The following BAZ2B variants were observed in gnomAD, a reference collection of about 807,000 sequenced individuals.
BAZ2B encodes the protein bromodomain adjacent to zinc finger domain protein 2B.
In BAZ2B, 91 loss-of-function variants were observed where a neutral mutation model predicts 246.0. The observed-to-expected ratio is 0.37, with a 90% confidence interval of 0.31 to 0.44. The LOEUF (loss-of-function observed/expected upper bound fraction) is 0.44. BAZ2B is among the 20% of genes least tolerant of loss of function. The probability of loss-of-function intolerance (pLI) is 1.00; values close to 1 mark genes in which losing one functional copy is unlikely to be tolerated. For missense variants in BAZ2B, 2,332 were observed against 2,533.7 expected, an observed-to-expected ratio of 0.92 and a Z score of 1.71; for synonymous variants, 855 against 860.0, an observed-to-expected ratio of 0.99 and a Z score of 0.10.
At chr2:159,486,863 A>G (rs973743703) in intron 2 of BAZ2B, among the ~76,000 whole-genome samples, 2 of 152,102 alleles carry the variant, frequency 1.3e-5, no homozygotes, top group African/African-American at 2.4e-5. Flanking sequence ...AAAGAGGTAG[A>G]CCTATACTAG....
At chr2:159,405,484 T>C (rs2065786910) in intron 14 of BAZ2B, among the ~76,000 whole-genome samples, 2 of 152,168 alleles carry the variant, frequency 1.3e-5, no homozygotes. Context: ...GTGCTGGGAT[T>C]ACAGGTGTGA....
intron 27 of BAZ2B, among the ~76,000 whole-genome samples, chr2:159,356,484 C>T (rs933530692): frequency 2.0e-5 from 3 of 152,188 alleles, no homozygotes; most frequent in African/African-American, 4.8e-5. Flanking sequence ...AAGACAGCAG[C>T]CCCAGTCAGG....
At chr2:159,467,969 G>A (rs1350029954) in intron 3 of BAZ2B, among the ~76,000 whole-genome samples, 1 of 152,150 alleles carries the variant, frequency 6.6e-6, no homozygotes, top group Non-Finnish European at 1.5e-5. Flanking sequence ...CAGAGCTAAG[G>A]CAGCATCTCA....
intron 11 of BAZ2B, among the ~76,000 whole-genome samples, chr2:159,428,780 T>C (rs954368277): frequency 6.6e-6 from 1 of 152,166 alleles, no homozygotes; most frequent in Non-Finnish European, 1.5e-5. Flanking sequence ...GGGGTTCACG[T>C]ACATCCAGTC....
At chr2:159,360,980 C>T (rs2059627395) in intron 27 of BAZ2B, among the ~76,000 whole-genome samples, 1 of 152,196 alleles carries the variant, frequency 6.6e-6, no homozygotes, top group Non-Finnish European at 1.5e-5. Flanking sequence ...AAACGTCAGA[C>T]CTAAAACCAT....
intron 28 of BAZ2B, 83 bp downstream of exon 28, chr2:159,349,625 T>C (rs2058347426): frequency 7.3e-7 from 1 of 1,367,030 alleles, no homozygotes; most frequent in Middle Eastern, 2.0e-4. Context: ...ACTATCTGAG[T>C]GAGCCCCCTT....
At chr2:159,347,327 T>A (rs1432180854) in intron 31 of BAZ2B, among the ~76,000 whole-genome samples, 159 bp downstream of exon 31, 1 of 152,222 alleles carries the variant, frequency 6.6e-6, no homozygotes, top group Non-Finnish European at 1.5e-5. Flanking sequence ...TGAGCCTGGT[T>A]CCTTAACAGA....
At chr2:159,414,089 T>C (rs756047704) in intron 13 of BAZ2B, among the ~76,000 whole-genome samples, 1 of 152,054 alleles carries the variant, frequency 6.6e-6, no homozygotes, top group Non-Finnish European at 1.5e-5. Flanking sequence ...TAAAGAAAAA[T>C]GAGATCCTTT....
chr2:159,419,702 A>G (rs985314268), intron 13 of BAZ2B: 10 of 152,170 alleles, frequency 6.6e-5, no homozygotes, highest in African/African-American at 2.4e-4. Flanking sequence ...ACGACTTTCA[A>G]TATCTCCTCC....
chr2:159,494,714 A>G (rs77268977), intron 2 of BAZ2B, among the ~76,000 whole-genome samples: 1 of 152,376 alleles, frequency 6.6e-6, no homozygotes, highest in East Asian at 1.9e-4. Flanking sequence ...AATTAAAGAT[A>G]CATCAAAGTT....
intron 3 of BAZ2B, among the ~76,000 whole-genome samples, chr2:159,472,772 T>C (rs1367808555): frequency 6.6e-6 from 1 of 152,236 alleles, no homozygotes; most frequent in African/African-American, 2.4e-5. Flanking sequence ...TTTCTGTTTA[T>C]GTGATGGATT....
At chr2:159,341,236 A>T (rs868851236) in intron 31 of BAZ2B, among the ~76,000 whole-genome samples, 8 of 135,572 alleles carry the variant, frequency 5.9e-5, no homozygotes, top group African/African-American at 2.0e-4. Flanking sequence ...TATGTCAGAT[A>T]AAAAAAACAA....
the BAZ2B span, among the ~76,000 whole-genome samples, chr2:159,636,857 C>G: frequency 2.0e-5 from 3 of 152,250 alleles, no homozygotes; most frequent in East Asian, 1.9e-4. Context: ...CCAGCTCAAT[C>G]ACAATAGGAT....
chr2:159,683,327 C>G, the BAZ2B span, among the ~76,000 whole-genome samples: 14 of 152,092 alleles, frequency 9.2e-5, no homozygotes, highest in African/African-American at 3.4e-4. Context: ...ATCAAACCTC[C>G]TGGGCTCAAG....
At chr2:159,337,434 A>G (rs1187730903) in intron 32 of BAZ2B, 133 bp downstream of exon 32, 2 of 1,564,006 alleles carry the variant, frequency 1.3e-6, no homozygotes, top group Non-Finnish European at 1.7e-6. Context: ...AAGCACAATA[A>G]TTTTTCAAGT....
the BAZ2B span, among the ~76,000 whole-genome samples, chr2:159,687,582 T>C: frequency 6.6e-6 from 1 of 152,254 alleles, no homozygotes; most frequent in East Asian, 1.9e-4. Context: ...CAGAAGCTCC[T>C]GTACTCAAGA....
chr2:159,348,904 G>A, intron 29 of BAZ2B, 71 bp from the exon 30 acceptor site: 1 of 1,537,462 alleles, frequency 6.5e-7, no homozygotes, highest in Non-Finnish European at 8.8e-7. Context: ...GAAATAAAAA[G>A]ATTTATTAAC....
chr2:159,643,620 A>G, the BAZ2B span, among the ~76,000 whole-genome samples: 2 of 152,108 alleles, frequency 1.3e-5, no homozygotes, highest in African/African-American at 4.8e-5. Context: ...CATGCCTGTA[A>G]TCCCAGCACT....
At chr2:159,519,438 G>A (rs1318624573) in intron 2 of BAZ2B, among the ~76,000 whole-genome samples, 2 of 148,030 alleles carry the variant, frequency 1.4e-5, no homozygotes, top group South Asian at 2.1e-4. Context: ...CACCTTGTTA[G>A]CCAGGATGGT....
Sources: allele counts gnomAD v4.1 joint callset (sites outside exome capture counted in the v4.1 genomes callset), GRCh38; gene constraint gnomAD v4.1.1; transcripts MANE v1.5; gene names NCBI Gene and HGNC (gene_info 2026-07-23, HGNC 2026-07-21).